The following PDE11A variants were observed in gnomAD, a reference collection of about 807,000 sequenced individuals.
PDE11A encodes phosphodiesterase 11A, also known as dual 3',5'-cyclic-AMP and -GMP phosphodiesterase 11A.
A neutral mutation model predicts 100.5 loss-of-function variants in PDE11A; 100 were observed. The ratio of observed to expected loss-of-function variants is 1.00; its 90% CI spans 0.85 to 1.18. The LOEUF (loss-of-function observed/expected upper bound fraction) is 1.18. Among genes scored for constraint, PDE11A ranks in the 50% most tolerant of loss-of-function variants. The pLI is 0.00. For missense variants in PDE11A, 1,141 were observed against 1,152.6 expected, an observed-to-expected ratio of 0.99 and a Z score of 0.15; for synonymous variants, 381 against 420.8, an observed-to-expected ratio of 0.91 and a Z score of 1.16.
At chr2:178,101,253 A>G (rs2087555907) in intron 2 of PDE11A, among the ~76,000 whole-genome samples, 1 of 152,220 alleles carries the variant, frequency 6.6e-6, no homozygotes, top group African/African-American at 2.4e-5. Context: ...TATATTTACA[A>G]TTATAGTTGT....
At chr2:177,785,533 T>G (rs77232665) in intron 9 of PDE11A, among the ~76,000 whole-genome samples, 2 of 145,316 alleles carry the variant, frequency 1.4e-5, no homozygotes, top group African/African-American at 5.1e-5. Flanking sequence ...AGACAGTGGG[T>G]GCAGGACAGT....
In PDE11A at chr2:177,770,545, T is replaced by G. The variant is rs2082297645; in HGVS notation, c.1738-1172A>C. Among the ~76,000 whole-genome samples the G allele has an allele frequency of 2.3e-5, 3 of 132,400 alleles. No homozygotes were observed. In the South Asian group the frequency reaches 6.9e-4, roughly 31 times the overall value. 86.9% of individuals were successfully genotyped at this position (132,400 alleles called of 152,430 possible). Reference sequence around the variant, plus strand: ...TATAAGTGGGAGTGTCGGCGCTGCTTCTTTCTTTTTCTTCCTTCATGGAAT... The same window carrying G: ...TATAAGTGGGAGTGTCGGCGCTGCTGCTTTCTTTTTCTTCCTTCATGGAAT... On this transcript the variant is annotated intron_variant, in intron 9 of 19. Coordinates refer to ENST00000286063, the MANE Select transcript of PDE11A (RefSeq NM_016953.4).
At chr2:177,636,793 A>T (rs942632547) in intron 19 of PDE11A, among the ~76,000 whole-genome samples, 1 of 152,168 alleles carries the variant, frequency 6.6e-6, no homozygotes, top group Non-Finnish European at 1.5e-5. Flanking sequence ...AGTTGTGACC[A>T]CCAAAAATGT....
chr2:178,040,932 CTTAT>C (rs1282808619), intron 1 of PDE11A, among the ~76,000 whole-genome samples: 2 of 151,968 alleles, frequency 1.3e-5, no homozygotes, highest in Admixed American at 1.3e-4. Context: ...TTTTTATCTA[CTTAT>C]TTATTTATTT....
intron 15 of PDE11A, among the ~76,000 whole-genome samples, chr2:177,691,028 T>C (rs993728835): frequency 8.5e-5 from 13 of 152,196 alleles, no homozygotes; most frequent in African/African-American, 2.9e-4. Context: ...TGTCAGGTTT[T>C]GTGGGTTCCA....
intron 13 of PDE11A, among the ~76,000 whole-genome samples, chr2:177,706,244 C>T (rs1307518192): frequency 6.6e-6 from 1 of 152,114 alleles, no homozygotes; most frequent in East Asian, 1.9e-4. Context: ...TAAATGTCTC[C>T]TGTTTTTTTA....
intron 15 of PDE11A, among the ~76,000 whole-genome samples, chr2:177,696,981 C>T (rs1362892411): frequency 1.3e-5 from 2 of 152,162 alleles, no homozygotes; most frequent in South Asian, 2.1e-4. Context: ...TTTTCATCTT[C>T]GTTATCAATG....
At chr2:177,987,881 G>T (rs1186239902) in intron 2 of PDE11A, among the ~76,000 whole-genome samples, 1 of 152,292 alleles carries the variant, frequency 6.6e-6, no homozygotes, top group Middle Eastern at 3.4e-3. Context: ...CTTCAAAGAA[G>T]TCTTTGTAAA....
intron 2 of PDE11A, among the ~76,000 whole-genome samples, chr2:178,086,923 G>T (rs919352184): frequency 1.3e-5 from 2 of 152,050 alleles, no homozygotes; most frequent in African/African-American, 4.8e-5. Context: ...CCCACTACTG[G>T]GTATCTACCC....
chr2:177,917,899 A>G (rs148018074), intron 2 of PDE11A, among the ~76,000 whole-genome samples: 1 of 152,332 alleles, frequency 6.6e-6, no homozygotes, highest in East Asian at 1.9e-4. Context: ...GGAGTTTAAA[A>G]CAGAGAAGGC....
intron 19 of PDE11A, among the ~76,000 whole-genome samples, chr2:177,633,378 A>T (rs2079985418): frequency 6.6e-6 from 1 of 152,240 alleles, no homozygotes; most frequent in Non-Finnish European, 1.5e-5. Context: ...ACCTGTTAGT[A>T]AACCTAATTT....
chr2:177,796,146 G>A (rs773411404), intron 9 of PDE11A, among the ~76,000 whole-genome samples: 1 of 151,776 alleles, frequency 6.6e-6, no homozygotes, highest in Non-Finnish European at 1.5e-5. Flanking sequence ...CAGGTGCTGG[G>A]ATGGAGACAC....
chr2:178,060,459 C>T (rs1359935624), intron 1 of PDE11A, among the ~76,000 whole-genome samples: 2 of 151,884 alleles, frequency 1.3e-5, no homozygotes, highest in Non-Finnish European at 2.9e-5. Flanking sequence ...TTTACTGAGC[C>T]CAAACAAAGT....
chr2:177,752,001 C>T (rs774229074), intron 10 of PDE11A, among the ~76,000 whole-genome samples: 13 of 152,216 alleles, frequency 8.5e-5, no homozygotes, highest in African/African-American at 1.4e-4. Flanking sequence ...CTTGAACCCA[C>T]GTCTAGTGAT....
chr2:177,841,951 G>A (rs1426501751), intron 5 of PDE11A, among the ~76,000 whole-genome samples: 1 of 152,200 alleles, frequency 6.6e-6, no homozygotes, highest in East Asian at 1.9e-4. Flanking sequence ...CTCATTTCAT[G>A]AGATGAAATT....
chr2:177,909,701 C>T (rs918912947), intron 2 of PDE11A, among the ~76,000 whole-genome samples: 5 of 152,132 alleles, frequency 3.3e-5, no homozygotes, highest in African/African-American at 1.2e-4. Flanking sequence ...CCTTCCAACA[C>T]CTCCTTCCTT....
chr2:177,786,057 G>C (rs552660740), intron 9 of PDE11A, among the ~76,000 whole-genome samples: 2 of 152,278 alleles, frequency 1.3e-5, no homozygotes, highest in African/African-American at 4.8e-5. Flanking sequence ...CACGCAGCTG[G>C]AGATCTGAGA....
rs138580732 is a variant in PDE11A at position 178,055,387 on chromosome 2, T to C, written c.912+16139A>G. 2.3e-3 allele frequency among the ~76,000 whole-genome samples: 346 copies of C among 152,128 alleles called. 1 individual carries two copies. Among genetic ancestry groups the C allele is most frequent in the Non-Finnish European group, 2.7e-3 (186 of 67,998 alleles). ...GGAGGAGGGATAGCATTAGGAGATA[T>C]ACCTAATGTAAATGACGAATTAACG... On this transcript the variant is annotated intron_variant, in intron 1 of 19. Transcript: ENST00000286063.
At chr2:177,695,120 G>A (rs999709279) in intron 15 of PDE11A, among the ~76,000 whole-genome samples, 2 of 149,824 alleles carry the variant, frequency 1.3e-5, no homozygotes, top group African/African-American at 4.9e-5. Flanking sequence ...AGTTGTGTGT[G>A]GGGGGGGAGG....
Sources: allele counts gnomAD v4.1 joint callset (sites outside exome capture counted in the v4.1 genomes callset), GRCh38; gene constraint gnomAD v4.1.1; transcripts MANE v1.5; gene names NCBI Gene and HGNC (gene_info 2026-07-23, HGNC 2026-07-21).